The following CFAP157 variants were observed in gnomAD, a reference collection of about 807,000 sequenced individuals.
CFAP157 encodes the protein cilia- and flagella-associated protein 157.
A neutral mutation model predicts 57.8 loss-of-function variants in CFAP157; 43 were observed. The observed-to-expected ratio is 0.74, with a 90% CI of 0.58 to 0.96. CFAP157 has a LOEUF of 0.96. Ranked by LOEUF, CFAP157 falls within the 40% of genes least tolerant of loss-of-function variation. The pLI is 0.00. For missense variants in CFAP157, 606 were observed against 655.3 expected (o/e 0.92, Z 0.82); for synonymous variants, 267 against 269.0 (o/e 0.99, Z 0.07).
Position 127,715,954 on chromosome 9 carries a change from C to A in CFAP157, c.*2049C>A. On this transcript the variant is annotated 3_prime_UTR_variant, in exon 9 of 9. Transcript: ENST00000373295. The surrounding 1 kb of genome is among the most constrained non-coding windows in gnomAD (Gnocchi z 5.8). Reference sequence around the variant, plus strand: ...GCGGCGAAAATCTGGCAAGTCCTTTCCCCGCTGTAGGCCTCAACCTCTCCA... The same window carrying A: ...GCGGCGAAAATCTGGCAAGTCCTTTACCCGCTGTAGGCCTCAACCTCTCCA... 1 of 853,446 alleles carries A rather than the reference C, an allele frequency of 1.2e-6. No individual in the cohort carries two copies. Among genetic ancestry groups the A allele is most frequent in the Non-Finnish European group, 1.8e-6 (1 of 550,564 alleles). The allele number at this position is 853,446 out of a possible 1,614,324, so 52.9% of individuals were successfully genotyped here. A position where few individuals can be genotyped will look rare whatever the true frequency, so the allele number is the denominator to read the frequency against.
chr9:127,711,739 G>A (rs777672148), intron 4 of CFAP157, 81 bp from the exon 5 acceptor site: 277 of 1,478,462 alleles, frequency 1.9e-4, no homozygotes, highest in Non-Finnish European at 2.3e-4. Flanking sequence ...GCTCTGCATA[G>A]GGGAACACGG....
intron 2 of CFAP157, 104 bp from the exon 3 acceptor site, chr9:127,710,497 G>A (rs1842739812): frequency 7.2e-7 from 1 of 1,379,408 alleles, no homozygotes; most frequent in African/African-American, 1.4e-5. Flanking sequence ...ACCACACAGG[G>A]CGCACAGGAA....
chr9:127,713,872 T>TA lies in CFAP157; in HGVS notation c.1531dup (p.Ser511LysfsTer4). Reference sequence around the variant, plus strand: ...GTTCTCTAAAAAGGCTTGAAAAGTTTAGTCTTCCTGAAGTTCCCCTACGTC... The same window carrying TA: ...GTTCTCTAAAAAGGCTTGAAAAGTTTAAGTCTTCCTGAAGTTCCCCTACGTC... On this transcript the variant is annotated frameshift_variant, in exon 9 of 9. Transcript: ENST00000373295. LOFTEE classifies it high-confidence loss of function. 6.2e-7 allele frequency: 1 copy of TA among 1,613,986 alleles called. No homozygotes were observed. The highest frequency in any genetic ancestry group is 1.1e-5 in the South Asian group (1 of 91,082).
In CFAP157 at chr9:127,715,767, T is replaced by C; in HGVS notation, c.*1862T>C. ...CCGGGCTACGTGGCCGCCATGCTTCTGAGGGGCGGAAGCGGCGAGGCGGTG... is the reference window on the plus strand; with the variant it reads ...CCGGGCTACGTGGCCGCCATGCTTCCGAGGGGCGGAAGCGGCGAGGCGGTG... On this transcript the variant is annotated 3_prime_UTR_variant, in exon 9 of 9. Coordinates refer to ENST00000373295, the MANE Select transcript of CFAP157 (RefSeq NM_001012502.3). The surrounding 1 kb of genome is among the most constrained non-coding windows in gnomAD (Gnocchi z 5.8). 6.6e-7 allele frequency: 1 copy of C among 1,507,312 alleles called. No individual in the cohort carries two copies. 93.4% of individuals were successfully genotyped at this position (1,507,312 alleles called of 1,614,324 possible).
In CFAP157 at chr9:127,714,712, G is replaced by T; in HGVS notation, c.*807G>T. On this transcript the variant is annotated 3_prime_UTR_variant, in exon 9 of 9. Transcript: ENST00000373295. ...AGCCCAAACAGCTCCGCTTAGCACA[G>T]GGAAACGGCAGCCCTGGTTACTGCC... 6.2e-7 allele frequency: 1 copy of T among 1,605,044 alleles called. No individual in the cohort carries two copies.
intron 1 of CFAP157, 80 bp downstream of exon 1, chr9:127,707,272 T>C (rs1842667936): frequency 3.3e-6 from 5 of 1,511,384 alleles, no homozygotes; most frequent in South Asian, 1.2e-5. Flanking sequence ...GGTTTGGCCA[T>C]GGGGCCTTAG....
Position 127,711,891 on chromosome 9 carries a change from C to G in CFAP157, c.927C>G (p.Leu309=), listed in dbSNP as rs1842773699. ...CCAAGGAGGCCGAGGAGCTGCGCCT[C>G]CTGCTGAGCCAGTTGGAGCAGAGAT... ...QDTKEAEELR[L]LLSQLEQRSL... The change falls in exon 5 of 9, where the codon CTC becomes CTG. Residue 309 remains leucine (L), a synonymous_variant. Transcript: ENST00000373295. The G allele has an allele frequency of 6.3e-7, 1 of 1,597,968 alleles. No individual in the cohort carries two copies. Among genetic ancestry groups the G allele is most frequent in the South Asian group, 1.1e-5 (1 of 87,922 alleles).
intron 6 of CFAP157, 170 bp downstream of exon 6, chr9:127,712,519 C>T: frequency 6.7e-7 from 1 of 1,488,736 alleles, no homozygotes; most frequent in Admixed American, 2.1e-5. Flanking sequence ...CCTCCAAGGT[C>T]TTAAAGGAGC....
chr9:127,707,149 T>A lies in CFAP157; in HGVS notation c.118T>A (p.Phe40Ile). 4 of 1,487,244 alleles carry A rather than the reference T, an allele frequency of 2.7e-6. No homozygotes were observed. The highest frequency in any genetic ancestry group is 3.7e-6 in the Non-Finnish European group (4 of 1,067,554). 92.1% of individuals were successfully genotyped at this position (1,487,244 alleles called of 1,614,324 possible). A position where few individuals can be genotyped will look rare whatever the true frequency, so the allele number is the denominator to read the frequency against. ...GCCTCTGGCCAAGGAGATGAAGGAG[T>A]TCTACCACATCCAGATCCGAGACCT... is the stretch of plus-strand genomic sequence containing the variant. ...EPPLAKEMKEFYHIQIRDLED... is the reference protein window; with the variant it reads ...EPPLAKEMKEIYHIQIRDLED... Residue 40 changes from phenylalanine (F) to isoleucine (I), a missense_variant, in exon 1 of 9, where the codon TTC becomes ATC. Physicochemically the swap from Phe to Ile is conservative, Grantham distance 21. Coordinates refer to ENST00000373295, the MANE Select transcript of CFAP157 (RefSeq NM_001012502.3).
rs1348310536 is a variant in CFAP157, at chr9:127,715,029, G to A, written c.*1124G>A. Reference sequence around the variant, plus strand: ...TTCATAAGCCGCCGTGGCCGGAGCAGGACCAGTTGGGCATCCCCCAGCGGG... The same window carrying A: ...TTCATAAGCCGCCGTGGCCGGAGCAAGACCAGTTGGGCATCCCCCAGCGGG... On this transcript the variant is annotated 3_prime_UTR_variant, in exon 9 of 9. Transcript: ENST00000373295. This position sits in a 1 kb window ranked among gnomAD's most constrained non-coding sequence, Gnocchi z 5.8. 8.6e-6 allele frequency: 13 copies of A among 1,519,016 alleles called. No individual in the cohort carries two copies. Among genetic ancestry groups the A allele is most frequent in the Non-Finnish European group, 1.1e-5 (12 of 1,139,208 alleles). The allele number at this position is 1,519,016 out of a possible 1,614,324, so 94.1% of individuals were successfully genotyped here.
intron 2 of CFAP157, 91 bp from the exon 3 acceptor site, chr9:127,710,510 G>A: frequency 2.7e-6 from 4 of 1,468,704 alleles, no homozygotes; most frequent in South Asian, 2.6e-5. Flanking sequence ...CACAGGAAGG[G>A]ACAGGGACCT....
In CFAP157 at chr9:127,714,555, TG is replaced by T; in HGVS notation, c.*653del. 1.3e-6 allele frequency: 2 copies of T among 1,596,120 alleles called. No individual in the cohort carries two copies. The highest frequency in any genetic ancestry group is 1.7e-6 in the Non-Finnish European group (2 of 1,164,116). On this transcript the variant is annotated 3_prime_UTR_variant, in exon 9 of 9. Coordinates refer to ENST00000373295, the MANE Select transcript of CFAP157 (RefSeq NM_001012502.3). ...GTCAGCAGCCCTACTCCACCCCAAC[TG>T]GGAGGCCTGAAGCCCTATCCCAACC...
In CFAP157 at chr9:127,711,463, G is replaced by T; in HGVS notation, c.822G>T (p.Lys274Asn). 6.2e-7 allele frequency: 1 copy of T among 1,613,964 alleles called. No homozygotes were observed. The highest frequency in any genetic ancestry group is 8.5e-7 in the Non-Finnish European group (1 of 1,180,018). The part of the protein sequence containing the change: ...KQLELLENTQ[K>N]VMARHKRGHQ... ...TGGAGCTGCTGGAGAACACCCAGAA[G>T]GTCATGGCCAGGCACAAAAGAGGCC... is the stretch of plus-strand genomic sequence containing the variant. The change falls in exon 4 of 9, where the codon AAG becomes AAT. Residue 274 changes from lysine (K) to asparagine (N), a missense_variant. Coordinates refer to ENST00000373295, the MANE Select transcript of CFAP157 (RefSeq NM_001012502.3).
At chr9:127,711,782 G>C (rs1842770958) in intron 4 of CFAP157, 38 bp from the exon 5 acceptor site, 2 of 1,543,760 alleles carry the variant, frequency 1.3e-6, no homozygotes, top group South Asian at 2.4e-5. Flanking sequence ...TGGGGGACAG[G>C]GCAGGCTGAG....
chr9:127,711,527 T>A (rs1842764588), intron 4 of CFAP157, 31 bp downstream of exon 4: 1 of 1,600,442 alleles, frequency 6.2e-7, no homozygotes, highest in Non-Finnish European at 8.5e-7. Context: ...ACAGGGCATT[T>A]GGCATGCAAG....
chr9:127,715,062 C>A lies in CFAP157; in HGVS notation c.*1157C>A, dbSNP rs761795513. On this transcript the variant is annotated 3_prime_UTR_variant, in exon 9 of 9. Coordinates refer to ENST00000373295, the MANE Select transcript of CFAP157 (RefSeq NM_001012502.3). The surrounding 1 kb of genome is among the most constrained non-coding windows in gnomAD (Gnocchi z 5.8). ...TGGGCATCCCCCAGCGGGGCCAGGG[C>A]GAGGTCGGCGGCACAGTGCCGGTCG... 1.3e-6 allele frequency: 2 copies of A among 1,527,534 alleles called. No homozygotes were observed. Among genetic ancestry groups the A allele is most frequent in the Non-Finnish European group, 8.7e-7 (1 of 1,143,370 alleles). The allele number at this position is 1,527,534 out of a possible 1,614,324, so 94.6% of individuals were successfully genotyped here. A position where few individuals can be genotyped will look rare whatever the true frequency, so the allele number is the denominator to read the frequency against.
At position 127,714,840 on chromosome 9, in the gene CFAP157, A is replaced by G; in HGVS notation, c.*935A>G. ...GAGGCCCCCCGAAGTACCCAAAGCC[A>G]TGCAGCAACTGGAGCTCAACAGGTA... is the stretch of plus-strand genomic sequence containing the variant. On this transcript the variant is annotated 3_prime_UTR_variant, in exon 9 of 9. Transcript: ENST00000373295. The G allele has an allele frequency of 9.7e-7, 1 of 1,028,878 alleles. No individual in the cohort carries two copies. The highest frequency in any genetic ancestry group is 1.4e-6 in the Non-Finnish European group (1 of 698,630). 63.7% of individuals were successfully genotyped at this position (1,028,878 alleles called of 1,614,324 possible).
chr9:127,707,297 C>A, intron 1 of CFAP157, 105 bp downstream of exon 1: 4 of 1,260,132 alleles, frequency 3.2e-6, no homozygotes, highest in Non-Finnish European at 4.4e-6. Flanking sequence ...GTGTTCTGAC[C>A]TCCCCTGGGA....
Position 127,715,082 on chromosome 9 carries a change from CG to C in CFAP157, c.*1179del. ...CAGGGCGAGGTCGGCGGCACAGTGC[CG>C]GTCGCGCGTCCAACTCTCCGCCACA... On this transcript the variant is annotated 3_prime_UTR_variant, in exon 9 of 9. Coordinates refer to ENST00000373295, the MANE Select transcript of CFAP157 (RefSeq NM_001012502.3). The surrounding 1 kb of genome is among the most constrained non-coding windows in gnomAD (Gnocchi z 5.8). The C allele has an allele frequency of 6.5e-7, 1 of 1,531,992 alleles. No individual in the cohort carries two copies. The highest frequency in any genetic ancestry group is 8.7e-7 in the Non-Finnish European group (1 of 1,145,216). 94.9% of individuals were successfully genotyped at this position (1,531,992 alleles called of 1,614,324 possible).
Sources: allele counts gnomAD v4.1 joint callset, GRCh38; gene constraint gnomAD v4.1.1; non-coding constraint Gnocchi (gnomAD v3.1); transcripts MANE v1.5; gene names NCBI Gene and HGNC (gene_info 2026-07-23, HGNC 2026-07-21).